MSI1: variants seen among roughly 807,000 people sequenced by gnomAD.
The protein encoded by MSI1 is musashi RNA binding protein 1, also known as RNA-binding protein Musashi homolog 1.
A neutral mutation model predicts 54.4 loss-of-function variants in MSI1; 15 were observed. That is an observed-to-expected ratio of 0.28 (90% CI 0.18 to 0.42). The LOEUF (loss-of-function observed/expected upper bound fraction) is 0.42, where lower values mean the gene tolerates loss of function less well. Among genes scored for constraint, MSI1 ranks in the 20% least tolerant of loss-of-function variants. MSI1 has a pLI of 1.00. For synonymous variants in MSI1, 200 were observed against 196.5 expected, an observed-to-expected ratio of 1.02 and a Z score of -0.15; for missense variants, 304 against 506.0, an observed-to-expected ratio of 0.60 and a Z score of 3.83.
At chr12:120,354,677 C>T (rs568211302) in intron 9 of MSI1, among the ~76,000 whole-genome samples, 19 of 152,272 alleles carry the variant, frequency 1.2e-4, no homozygotes, top group African/African-American at 4.3e-4. Context: ...GTGATCCACC[C>T]GCCTCAGCCT....
intron 4 of MSI1, 117 bp from the exon 5 acceptor site, chr12:120,364,872 C>G: frequency 1.2e-6 from 1 of 825,848 alleles, no homozygotes; most frequent in Non-Finnish European, 1.8e-6. Context: ...TGACAGAAAT[C>G]ACAAAAGCCT....
chr12:120,352,296 C>A lies in MSI1; in HGVS notation c.734-896G>T, dbSNP rs145927080. Among the ~76,000 whole-genome samples the A allele has an allele frequency of 3.5e-3, 532 of 152,234 alleles. 2 individuals carry two copies. Among genetic ancestry groups the A allele is most frequent in the South Asian group, 4.8e-3 (23 of 4,828 alleles). ...TGCTGGGATTACAGGCGTGAGTCAC[C>A]ATGTCCAGGCTCGGGTGTCTCTAAA... On this transcript the variant is annotated intron_variant, in intron 10 of 14. Coordinates refer to ENST00000257552, the MANE Select transcript of MSI1 (RefSeq NM_002442.4).
Position 120,345,645 on chromosome 12 carries a change from G to T in MSI1, c.1048-13C>A, listed in dbSNP as rs748770043. On this transcript the variant is annotated splice_polypyrimidine_tract_variant and intron_variant, in intron 13 of 14. Coordinates refer to ENST00000257552, the MANE Select transcript of MSI1 (RefSeq NM_002442.4). ...CAATCAAAGGGCCCTGAAAAGGAAA[G>T]AATTTGACTCCTAGATTCCTGGGAA... 3.1e-6 allele frequency: 5 copies of T among 1,613,962 alleles called. No homozygotes were observed. The highest frequency in any genetic ancestry group is 1.1e-5 in the South Asian group (1 of 91,084).
At position 120,368,760 on chromosome 12, in the gene MSI1, G is replaced by T; in HGVS notation, c.100+73C>A. 1 of 1,294,272 alleles carries T rather than the reference G, an allele frequency of 7.7e-7. No individual in the cohort carries two copies. Among genetic ancestry groups the T allele is most frequent in the Non-Finnish European group, 1.0e-6 (1 of 1,000,018 alleles). The allele number at this position is 1,294,272 out of a possible 1,614,324, so 80.2% of individuals were successfully genotyped here. On this transcript the variant is annotated intron_variant, in intron 2 of 14. Coordinates refer to ENST00000257552, the MANE Select transcript of MSI1 (RefSeq NM_002442.4). The surrounding 1 kb of genome is among the most constrained non-coding windows in gnomAD (Gnocchi z 6.6). ...TCAGCAGGGCGCAGGGCCGGGCTGG[G>T]GTGTCCGGGTCCGGGGCGCCGGGGG... is the stretch of plus-strand genomic sequence containing the variant.
In MSI1 at chr12:120,342,647, C is replaced by G. The variant is rs879024358; in HGVS notation, c.*480G>C. Reference sequence around the variant, plus strand: ...CCTAGAAATAGTTTAAAAAAGGTTTCTTTAAAAAAAAAAAAAAAAAAAAAA... The same window carrying G: ...CCTAGAAATAGTTTAAAAAAGGTTTGTTTAAAAAAAAAAAAAAAAAAAAAA... On this transcript the variant is annotated 3_prime_UTR_variant, in exon 15 of 15. Coordinates refer to ENST00000257552, the MANE Select transcript of MSI1 (RefSeq NM_002442.4). The G allele has an allele frequency of 1.6e-5, 1 of 63,006 alleles. No homozygotes were observed. Among genetic ancestry groups the G allele is most frequent in the Non-Finnish European group, 3.1e-5 (1 of 31,964 alleles). 3.9% of individuals were successfully genotyped at this position (63,006 alleles called of 1,614,324 possible).
intron 5 of MSI1, among the ~76,000 whole-genome samples, chr12:120,364,264 T>C (rs1412368371): frequency 6.6e-6 from 1 of 152,036 alleles, no homozygotes; most frequent in African/African-American, 2.4e-5. Flanking sequence ...GAGTCTGTGG[T>C]CCCCTCTGCC....
At chr12:120,357,936 C>A in intron 7 of MSI1, 38 bp from the exon 8 acceptor site, 1 of 1,594,894 alleles carries the variant, frequency 6.3e-7, no homozygotes. Context: ...AGGTCAGAAC[C>A]AGAGCGCAGG....
intron 4 of MSI1, among the ~76,000 whole-genome samples, chr12:120,365,687 G>A (rs1424219065): frequency 6.6e-6 from 1 of 152,196 alleles, no homozygotes; most frequent in Admixed American, 6.5e-5. Flanking sequence ...GAGGCTGTGA[G>A]CAAACAGCTC....
At chr12:120,340,234 G>A (rs576999203), downstream of MSI1, among the ~76,000 whole-genome samples, 15 of 152,036 alleles carry the variant, frequency 9.9e-5, no homozygotes, top group African/African-American at 3.1e-4. Context: ...CTACAGGTGC[G>A]TGCCACCACA....
In MSI1 at chr12:120,353,347, T is replaced by G; in HGVS notation, c.685A>C (p.Ser229Arg). The G allele has an allele frequency of 6.2e-7, 1 of 1,614,098 alleles. No homozygotes were observed. The highest frequency in any genetic ancestry group is 8.5e-7 in the Non-Finnish European group (1 of 1,180,002). The change falls in exon 10 of 15, where the codon AGC (serine) becomes CGC (arginine). Residue 229 changes from serine (S) to arginine (R), a missense_variant. Coordinates refer to ENST00000257552, the MANE Select transcript of MSI1 (RefSeq NM_002442.4). ...YPGFQATTYASRSYTGLAPGY... is the reference protein window; with the variant it reads ...YPGFQATTYARRSYTGLAPGY... ...GGGGCGAGGCCTGTATAACTCCGGC[T>G]GGCGTAGGTTGTGGCTTGGAAACCT... is the stretch of plus-strand genomic sequence containing the variant.
chr12:120,357,186 C>T (rs932149701), intron 8 of MSI1, among the ~76,000 whole-genome samples, 167 bp from the exon 9 acceptor site: 1 of 152,198 alleles, frequency 6.6e-6, no homozygotes, highest in African/African-American at 2.4e-5. Context: ...AGTGTGTAAA[C>T]GGCTTTGCAT....
At chr12:120,354,666 G>A (rs892461882) in intron 9 of MSI1, among the ~76,000 whole-genome samples, 1 of 152,082 alleles carries the variant, frequency 6.6e-6, no homozygotes, top group Non-Finnish European at 1.5e-5. Context: ...CCCAACCTCA[G>A]GTGATCCACC....
chr12:120,348,849 C>T (rs964844053), intron 11 of MSI1, among the ~76,000 whole-genome samples: 14 of 152,062 alleles, frequency 9.2e-5, no homozygotes, highest in Admixed American at 1.3e-4. Context: ...GCCAAGACCG[C>T]GCCATTGCAC....
downstream of MSI1, among the ~76,000 whole-genome samples, chr12:120,340,326 C>T (rs1023773129): frequency 1.3e-5 from 2 of 152,260 alleles, no homozygotes; most frequent in Middle Eastern, 3.4e-3. Flanking sequence ...TCAGGCGATC[C>T]GCCCGCCTTG....
chr12:120,364,153 G>A (rs936417818), intron 5 of MSI1, among the ~76,000 whole-genome samples: 1 of 152,150 alleles, frequency 6.6e-6, no homozygotes, highest in African/African-American at 2.4e-5. Flanking sequence ...CATTTTCTGC[G>A]CACCTTGACC....
In MSI1 at chr12:120,346,243, G is replaced by C. The variant is rs766485289; in HGVS notation, c.939C>G (p.Pro313=). ...CCCCGTAGAGCTCGGCCATGGGGCC[G>C]GGGCTGGTGGTCCCCAGGAAGCCCC... The part of the protein sequence containing the change: ...RTGGFLGTTS[P]GPMAELYGAA... The change falls in exon 13 of 15, where the codon CCC becomes CCG. Residue 313 remains proline, a synonymous_variant. Transcript: ENST00000257552. The C allele has an allele frequency of 1.5e-5, 24 of 1,594,650 alleles. No individual in the cohort carries two copies. The highest frequency in any genetic ancestry group is 1.9e-5 in the Non-Finnish European group (22 of 1,171,128).
intron 14 of MSI1, 32 bp from the exon 15 acceptor site, chr12:120,343,137 C>T (rs1386938209): frequency 6.6e-6 from 1 of 152,286 alleles, no homozygotes; most frequent in Non-Finnish European, 1.5e-5. Flanking sequence ...TATGGGGGCT[C>T]CCGGAGCACA....
At chr12:120,340,895 T>TG (rs1873642791), downstream of MSI1, among the ~76,000 whole-genome samples, 2 of 148,898 alleles carry the variant, frequency 1.3e-5, no homozygotes, top group Non-Finnish European at 3.0e-5. Context: ...TCTTTTTTTT[T>TG]TTTTTTTTTT....
chr12:120,357,138 A>G, intron 8 of MSI1, 119 bp from the exon 9 acceptor site: 1 of 921,070 alleles, frequency 1.1e-6, no homozygotes, highest in Non-Finnish European at 1.7e-6. Context: ...AAACTATTTC[A>G]TGGTTACCAC....
Sources: gnomAD v4.1 joint callset for allele counts (sites outside exome capture counted in the v4.1 genomes callset) on GRCh38, gnomAD v4.1.1 for gene constraint, Gnocchi (gnomAD v3.1) non-coding constraint, MANE v1.5 for transcripts, NCBI Gene and HGNC (gene_info 2026-07-23, HGNC 2026-07-21) for gene names.